The following TOP1MT variants were observed in gnomAD, a reference collection of about 807,000 sequenced individuals.
The protein encoded by TOP1MT is DNA topoisomerase I mitochondrial.
A neutral mutation model predicts 73.9 loss-of-function variants in TOP1MT; 80 were observed. The ratio of observed to expected loss-of-function variants is 1.08; its 90% CI spans 0.90 to 1.30. The LOEUF is 1.30. Among genes scored for constraint, TOP1MT ranks in the 50% most tolerant of loss-of-function variants. TOP1MT has a pLI of 0.00. For missense variants in TOP1MT, 815 were observed against 808.0 expected, an observed-to-expected ratio of 1.01 and a Z score of -0.10; for synonymous variants, 338 against 326.4, an observed-to-expected ratio of 1.04 and a Z score of -0.38.
At position 143,321,284 on chromosome 8, in the gene TOP1MT, C is replaced by A. The variant is rs753593796; in HGVS notation, c.1063G>T (p.Asp355Tyr). The A allele has an allele frequency of 6.2e-7, 1 of 1,612,590 alleles. No individual in the cohort carries two copies. The highest frequency in any genetic ancestry group is 8.5e-7 in the Non-Finnish European group (1 of 1,179,202). ...VEHVQLHPEA[D>Y]GCQHVVEFDF... ...AATTCCACCACGTGTTGGCAGCCAT[C>A]GGCCTCCGGGTGCAGCTGGACGTGC... is the stretch of plus-strand genomic sequence containing the variant. Residue 355 changes from aspartate (D) to tyrosine (Y), a missense_variant, in exon 8 of 14, where the codon GAT becomes TAT. Asp to Tyr is a radical substitution (Grantham distance 160). This residue lies in a region of TOP1MT where 751 missense variants were observed against 725.4 expected (regional missense o/e 1.04). Transcript: ENST00000329245.
At chr8:143,342,776 C>CGATTATTATTATTAT (rs1554622821) in intron 2 of TOP1MT, among the ~76,000 whole-genome samples, 1 of 78,732 alleles carries the variant, frequency 1.3e-5, no homozygotes, top group Non-Finnish European at 3.0e-5. Flanking sequence ...GAGTCTTGCT[C>CGATTATTATTATTAT]TATTATTATT....
chr8:143,347,688 G>GCAGGCAGCCAGCCAGCCAGC (rs892109676), upstream of TOP1MT, among the ~76,000 whole-genome samples: 7 of 149,986 alleles, frequency 4.7e-5, no homozygotes, highest in African/African-American at 1.7e-4. Context: ...CAGCAGGCAG[G>GCAGGCAGCCAGCCAGCCAGC]CAGCCAGCCA....
chr8:143,325,569 G>A, intron 4 of TOP1MT, 36 bp from the exon 5 acceptor site: 8 of 1,582,454 alleles, frequency 5.1e-6, no homozygotes, highest in Non-Finnish European at 6.1e-6. Flanking sequence ...CATTAGCAGT[G>A]AAGAGAAGAG....
At chr8:143,353,472 T>C (rs1817354040) in intron 1 of TOP1MT, among the ~76,000 whole-genome samples, 1 of 149,764 alleles carries the variant, frequency 6.7e-6, no homozygotes, top group Non-Finnish European at 1.5e-5. Flanking sequence ...AAAGATGAGA[T>C]ACAAATGGCC....
Position 143,341,880 on chromosome 8 carries a change from CTT to C in TOP1MT, c.29+1338_29+1339del, listed in dbSNP as rs538569839. On this transcript the variant is annotated intron_variant, in intron 2 of 5. Transcript: ENST00000518007. The surrounding 1 kb of genome is among the most constrained non-coding windows in gnomAD (Gnocchi z 4.1). Reference sequence around the variant, plus strand: ...CTTCCTCTTTCTCCTCCCCCTTCTTCTTCTTCTTATTAGCGACAGAGTCTCAC... The same window carrying C: ...CTTCCTCTTTCTCCTCCCCCTTCTTCCTTCTTATTAGCGACAGAGTCTCAC... Among the ~76,000 whole-genome samples the C allele has an allele frequency of 2.9e-3, 448 of 152,230 alleles. 2 individuals are homozygous for C. Among genetic ancestry groups the C allele is most frequent in the African/African-American group, 1.0e-2 (414 of 41,504 alleles).
intron 8 of TOP1MT, among the ~76,000 whole-genome samples, chr8:143,319,187 C>T (rs1389377608): frequency 6.6e-6 from 1 of 152,228 alleles, no homozygotes; most frequent in African/African-American, 2.4e-5. Context: ...CGGGCCCTGC[C>T]AGGGACTCCT....
chr8:143,337,715 T>A (rs1208575373), upstream of TOP1MT, among the ~76,000 whole-genome samples: 3 of 152,194 alleles, frequency 2.0e-5, no homozygotes, highest in African/African-American at 7.2e-5. Context: ...CCTCTCATAT[T>A]GTCTTCTGCC....
chr8:143,349,640 C>CT (rs112290042), upstream of TOP1MT, among the ~76,000 whole-genome samples: 100,693 of 145,866 alleles, frequency 0.69, 35,638 homozygotes, highest in South Asian at 0.85. Flanking sequence ...CATCTGTACA[C>CT]TTTTTTTTTT....
At chr8:143,321,557 CCA>C (rs1198696730) in intron 7 of TOP1MT, among the ~76,000 whole-genome samples, 171 bp from the exon 8 acceptor site, 22 of 106,190 alleles carry the variant, frequency 2.1e-4, no homozygotes, top group South Asian at 6.2e-4. Context: ...CACACGCACG[CCA>C]CACACACGCA....
upstream of TOP1MT, among the ~76,000 whole-genome samples, chr8:143,348,450 C>T (rs1817264704): frequency 6.6e-6 from 1 of 152,152 alleles, no homozygotes; most frequent in Admixed American, 6.5e-5. The surrounding 1 kb of genome is among the most constrained non-coding windows in gnomAD (Gnocchi z 4.6). Flanking sequence ...ACTCACCTGA[C>T]AGACACCCCC....
rs922686718 is a variant in TOP1MT, at chr8:143,344,351, GGAA to G, written c.-39+562_-39+564del. 6.6e-6 allele frequency: 1 copy of G among 152,508 alleles called. No homozygotes were observed. The highest frequency in any genetic ancestry group is 1.5e-5 in the Non-Finnish European group (1 of 68,290). The allele number at this position is 152,508 out of a possible 1,614,324, so 9.4% of individuals were successfully genotyped here. A position where few individuals can be genotyped will look rare whatever the true frequency, so the allele number is the denominator to read the frequency against. On this transcript the variant is annotated intron_variant, in intron 1 of 5. Transcript: ENST00000518007. The surrounding 1 kb of genome is among the most constrained non-coding windows in gnomAD (Gnocchi z 4.6). ...AGCCCAGCTCAGCCCTCCTGCTTGA[GGAA>G]GAAGGAGTGGCGGGACACCAGAGGG...
At chr8:143,330,803 G>A (rs563953853) in intron 2 of TOP1MT, among the ~76,000 whole-genome samples, 95 of 152,274 alleles carry the variant, frequency 6.2e-4, no homozygotes, top group African/African-American at 1.9e-3. Context: ...GTGGCTCAGC[G>A]CTCATGTCAA....
At chr8:143,356,371 GC>G (rs1563776484), upstream of TOP1MT, among the ~76,000 whole-genome samples, 4 of 152,254 alleles carry the variant, frequency 2.6e-5, no homozygotes, top group African/African-American at 7.2e-5. Context: ...CAGCATGCTG[GC>G]AGCAGATCCA....
At position 143,321,943 on chromosome 8, in the gene TOP1MT, C is replaced by CGCCACACGCAT. The variant is rs1563758605; in HGVS notation, c.961-558_961-557insATGCGTGTGGC. 5.3e-3 allele frequency among the ~76,000 whole-genome samples: 280 copies of CGCCACACGCAT among 52,852 alleles called. 4 individuals carry two copies. Among genetic ancestry groups the CGCCACACGCAT allele is most frequent in the South Asian group, 0.01 (6 of 580 alleles). The allele number at this position is 52,852 out of a possible 152,430, so 34.7% of individuals were successfully genotyped here. On this transcript the variant is annotated intron_variant, in intron 7 of 13. Transcript: ENST00000329245. The stretch of plus-strand genomic sequence containing the variant: ...CACACACATGCACGCCACACACGCA[C>CGCCACACGCAT]GCCACACACGCACGCCACACACATG...
At chr8:143,323,283 G>C (rs879047440) in intron 7 of TOP1MT, among the ~76,000 whole-genome samples, 1 of 74,812 alleles carries the variant, frequency 1.3e-5, no homozygotes, top group Non-Finnish European at 2.5e-5. Context: ...ACACACGCAC[G>C]CCACACACGC....
At position 143,324,150 on chromosome 8, in the gene TOP1MT, A is replaced by C; in HGVS notation, c.817-8T>G. 2 of 1,612,480 alleles carry C rather than the reference A, an allele frequency of 1.2e-6. No individual in the cohort carries two copies. The highest frequency in any genetic ancestry group is 1.7e-6 in the Non-Finnish European group (2 of 1,179,624). ...CTGCCAAGCTGTCTCCCCCTAAACG[A>C]AGAAAATAACAGGAAAGAAAACATT... On this transcript the variant is annotated splice_region_variant and splice_polypyrimidine_tract_variant and intron_variant, in intron 6 of 13. Coordinates refer to ENST00000329245, the MANE Select transcript of TOP1MT (RefSeq NM_052963.3).
chr8:143,312,630 A>G (rs1816043543), intron 12 of TOP1MT, among the ~76,000 whole-genome samples: 1 of 152,218 alleles, frequency 6.6e-6, no homozygotes, highest in Non-Finnish European at 1.5e-5. Context: ...TAAAAGCATG[A>G]GAGTTTTGCC....
At chr8:143,321,137 GCC>G in intron 8 of TOP1MT, 62 bp downstream of exon 8, 1 of 1,469,826 alleles carries the variant, frequency 6.8e-7, no homozygotes, top group Non-Finnish European at 9.1e-7. Context: ...GCTCCGGCAC[GCC>G]CCCAGACATC....
chr8:143,322,519 A>AACAGCCACGCCAC (rs1816480907), intron 7 of TOP1MT, among the ~76,000 whole-genome samples: 1 of 76,022 alleles, frequency 1.3e-5, no homozygotes. Flanking sequence ...CACGCCACAC[A>AACAGCCACGCCAC]ACAGGCACGC....
Sources: gnomAD v4.1 joint callset for allele counts (sites outside exome capture counted in the v4.1 genomes callset) on GRCh38, gnomAD v4.1.1 for gene constraint, gnomAD v4.1.1 regional missense constraint, Gnocchi (gnomAD v3.1) non-coding constraint, MANE v1.5 for transcripts, NCBI Gene and HGNC (gene_info 2026-07-23, HGNC 2026-07-21) for gene names.